CLNK: variants seen among roughly 807,000 people sequenced by gnomAD.
CLNK encodes the protein cytokine dependent hematopoietic cell linker.
CLNK carries 74 observed loss-of-function variants against 68.6 expected under a neutral mutation model. The ratio of observed to expected loss-of-function variants is 1.08; its 90% confidence interval spans 0.89 to 1.31. The LOEUF (loss-of-function observed/expected upper bound fraction) is 1.31, where lower values mean the gene tolerates loss of function less well. CLNK is among the 50% of genes most tolerant of loss of function. The pLI is 0.00. For synonymous variants in CLNK, 198 were observed against 172.2 expected, an observed-to-expected ratio of 1.15 and a Z score of -1.17; for missense variants, 553 against 515.3, an observed-to-expected ratio of 1.07 and a Z score of -0.71.
intron 2 of CLNK, among the ~76,000 whole-genome samples, chr4:10,646,469 C>T (rs554813900): frequency 6.7e-4 from 102 of 152,232 alleles, no homozygotes; most frequent in African/African-American, 2.2e-3. Context: ...GGCCTGATAA[C>T]GGGTTTCCAA....
intron 2 of CLNK, among the ~76,000 whole-genome samples, chr4:10,609,814 T>C (rs1016522340): frequency 3.9e-5 from 6 of 152,224 alleles, no homozygotes; most frequent in East Asian, 1.9e-4. Flanking sequence ...TGGAAAAATA[T>C]ATATCATCTG....
intron 15 of CLNK, among the ~76,000 whole-genome samples, chr4:10,517,201 A>G (rs1394069727): frequency 6.6e-6 from 1 of 152,184 alleles, no homozygotes; most frequent in Non-Finnish European, 1.5e-5. Flanking sequence ...AGGATAATCA[A>G]AAGAAGACTG....
chr4:10,648,317 T>G (rs1560261378), intron 2 of CLNK, among the ~76,000 whole-genome samples: 1 of 152,196 alleles, frequency 6.6e-6, no homozygotes, highest in Non-Finnish European at 1.5e-5. Context: ...GTGTCTCAAA[T>G]GCTATTATAT....
intron 1 of CLNK, among the ~76,000 whole-genome samples, chr4:10,680,781 C>G (rs554754201): frequency 6.6e-6 from 1 of 152,202 alleles, no homozygotes; most frequent in African/African-American, 2.4e-5. Flanking sequence ...AATAACTTGT[C>G]TAAAACCATA....
chr4:10,728,923 C>G, the CLNK span, among the ~76,000 whole-genome samples: 1 of 151,982 alleles, frequency 6.6e-6, no homozygotes, highest in Non-Finnish European at 1.5e-5. Flanking sequence ...TTAGCATATA[C>G]CTTTGATATT....
At chr4:10,699,512 A>ATATATATATATATTTT in the CLNK span, among the ~76,000 whole-genome samples, 9 of 32,762 alleles carry the variant, frequency 2.7e-4, no homozygotes, top group African/African-American at 1.0e-3. Context: ...ATATATATAT[A>ATATATATATATATTTT]TTTTTTTTTT....
chr4:10,701,760 G>A, the CLNK span, among the ~76,000 whole-genome samples: 1 of 152,224 alleles, frequency 6.6e-6, no homozygotes, highest in Non-Finnish European at 1.5e-5. Flanking sequence ...GGCACAGAAA[G>A]GTGAGGTGAT....
chr4:10,576,406 A>G (rs1401382049), intron 4 of CLNK, among the ~76,000 whole-genome samples: 1 of 152,250 alleles, frequency 6.6e-6, no homozygotes, highest in Non-Finnish European at 1.5e-5. Context: ...GACACCAGAC[A>G]GCTCCAGAGA....
At chr4:10,606,831 G>A (rs1047104571) in intron 2 of CLNK, among the ~76,000 whole-genome samples, 7 of 152,080 alleles carry the variant, frequency 4.6e-5, no homozygotes, top group Non-Finnish European at 1.0e-4. Context: ...TTTCTATAGA[G>A]CTCTGACTAA....
chr4:10,702,914 A>G, the CLNK span, among the ~76,000 whole-genome samples: 4 of 152,122 alleles, frequency 2.6e-5, no homozygotes, highest in Non-Finnish European at 5.9e-5. Context: ...AGAGGGAGAA[A>G]TCTGAGGAGC....
At chr4:10,712,855 T>C in the CLNK span, among the ~76,000 whole-genome samples, 1 of 152,216 alleles carries the variant, frequency 6.6e-6, no homozygotes, top group Admixed American at 6.5e-5. Flanking sequence ...ACCAGACATG[T>C]GGCCCATACC....
chr4:10,491,888 A>T (rs922592884), intron 18 of CLNK, among the ~76,000 whole-genome samples: 2 of 152,148 alleles, frequency 1.3e-5, no homozygotes, highest in African/African-American at 4.8e-5. Flanking sequence ...TATACATTGT[A>T]TGTACCCAGT....
At chr4:10,675,626 T>C (rs1333324839) in intron 1 of CLNK, among the ~76,000 whole-genome samples, 1 of 152,198 alleles carries the variant, frequency 6.6e-6, no homozygotes, top group Non-Finnish European at 1.5e-5. Flanking sequence ...GGTAAAGAAA[T>C]TGTTTTGTTC....
chr4:10,715,786 T>G, the CLNK span, among the ~76,000 whole-genome samples: 1 of 152,224 alleles, frequency 6.6e-6, no homozygotes, highest in Non-Finnish European at 1.5e-5. Flanking sequence ...AAGCCCTGTG[T>G]CCTCAGCGCA....
At chr4:10,616,534 C>T (rs1204180686) in intron 2 of CLNK, among the ~76,000 whole-genome samples, 1 of 152,050 alleles carries the variant, frequency 6.6e-6, no homozygotes, top group African/African-American at 2.4e-5. Flanking sequence ...TTTTGTTTTA[C>T]TCATTAATAC....
At chr4:10,637,555 C>A (rs1472272723) in intron 2 of CLNK, among the ~76,000 whole-genome samples, 1 of 147,766 alleles carries the variant, frequency 6.8e-6, no homozygotes, top group African/African-American at 2.5e-5. Context: ...AAAAGACTCC[C>A]AGCTCCTGGA....
intron 2 of CLNK, among the ~76,000 whole-genome samples, chr4:10,602,525 C>A (rs1054043259): frequency 6.6e-6 from 1 of 152,150 alleles, no homozygotes; most frequent in Admixed American, 6.5e-5. Flanking sequence ...CAAGGAACAC[C>A]TGGAGCCACT....
At chr4:10,535,410 G>T (rs934409513) in intron 11 of CLNK, among the ~76,000 whole-genome samples, 1 of 152,070 alleles carries the variant, frequency 6.6e-6, no homozygotes, top group Admixed American at 6.5e-5. Context: ...ATGAACCCTC[G>T]ATTTCTTAAT....
intron 2 of CLNK, among the ~76,000 whole-genome samples, chr4:10,610,479 T>C (rs982169761): frequency 1.3e-5 from 2 of 152,114 alleles, no homozygotes; most frequent in African/African-American, 4.8e-5. Flanking sequence ...TAAAAGCTTT[T>C]TCCCCCCTCT....
Sources: gnomAD v4.1 joint callset for allele counts (sites outside exome capture counted in the v4.1 genomes callset) on GRCh38, gnomAD v4.1.1 for gene constraint, MANE v1.5 for transcripts, NCBI Gene and HGNC (gene_info 2026-07-23, HGNC 2026-07-21) for gene names.